REPS2: variants seen among roughly 807,000 people sequenced by gnomAD.
REPS2 encodes ralBP1-associated Eps domain-containing protein 2.
REPS2 carries 23 observed loss-of-function variants against 53.6 expected under a neutral mutation model. That is an observed-to-expected ratio of 0.43 (90% CI 0.31 to 0.61). The LOEUF is 0.61. Among genes scored for constraint, REPS2 ranks in the 20% least tolerant of loss-of-function variants. The pLI is 0.11. For missense variants in REPS2, 446 were observed against 534.9 expected (o/e 0.83, Z 1.64); for synonymous variants, 238 against 218.6 (o/e 1.09, Z -0.78).
At chrX:17,109,200 CG>C (rs1294125660) in intron 14 of REPS2, among the ~76,000 whole-genome samples, 1 of 110,576 alleles carries the variant, frequency 9.0e-6, no homozygotes, top group African/African-American at 3.3e-5. Context: ...CAGAAACTGA[CG>C]GGAGGACAGG....
At chrX:17,180,113 C>T in the REPS2 span, among the ~76,000 whole-genome samples, 1 of 111,383 alleles carries the variant, frequency 9.0e-6, no homozygotes, top group East Asian at 2.8e-4. Context: ...TTAGATACAT[C>T]AGCAATATAT....
At chrX:17,166,034 A>G in the REPS2 span, among the ~76,000 whole-genome samples, 380 of 111,845 alleles carry the variant, frequency 3.4e-3, 1 homozygote, top group Non-Finnish European at 5.4e-3. Context: ...CATGATTATT[A>G]TACATAATTT....
At chrX:17,076,997 A>G (rs1356892123) in intron 12 of REPS2, among the ~76,000 whole-genome samples, 2 of 112,071 alleles carry the variant, frequency 1.8e-5, no homozygotes, top group Non-Finnish European at 3.8e-5. Context: ...TCCAATAGAA[A>G]TGGATTTGAA....
At chrX:17,030,711 C>T (rs1401073011) in intron 5 of REPS2, among the ~76,000 whole-genome samples, 1 of 112,233 alleles carries the variant, frequency 8.9e-6, no homozygotes, top group Non-Finnish European at 1.9e-5. Context: ...GATCTAGTTA[C>T]TGCTGCTTCT....
chrX:17,183,416 T>C, the REPS2 span, among the ~76,000 whole-genome samples: 1 of 112,291 alleles, frequency 8.9e-6, no homozygotes, highest in African/African-American at 3.2e-5. Flanking sequence ...AAAAAACTCC[T>C]CAATAAAAGT....
intron 13 of REPS2, among the ~76,000 whole-genome samples, chrX:17,094,618 AT>A (rs1359626566): frequency 1.1e-4 from 12 of 111,794 alleles, no homozygotes. Flanking sequence ...TCCTCAGATT[AT>A]TTTTGACCTT....
At chrX:17,087,827 C>T (rs1252876671) in intron 13 of REPS2, among the ~76,000 whole-genome samples, 1 of 110,135 alleles carries the variant, frequency 9.1e-6, no homozygotes, top group Non-Finnish European at 1.9e-5. Flanking sequence ...CCCAGCTATT[C>T]GGGAGGCTTA....
At chrX:17,048,700 A>G (rs756868523) in intron 6 of REPS2, among the ~76,000 whole-genome samples, 67 of 111,753 alleles carry the variant, frequency 6.0e-4, no homozygotes, top group Non-Finnish European at 1.2e-3. Flanking sequence ...AGCTCCATTA[A>G]TCACCTAGTG....
the REPS2 span, among the ~76,000 whole-genome samples, chrX:17,159,728 G>A: frequency 9.0e-6 from 1 of 111,323 alleles, no homozygotes; most frequent in Non-Finnish European, 1.9e-5. Flanking sequence ...CTGTTGCCTG[G>A]TTACCTGTGA....
intron 13 of REPS2, among the ~76,000 whole-genome samples, chrX:17,102,400 G>A (rs2062821101): frequency 1.8e-5 from 2 of 111,887 alleles, no homozygotes; most frequent in African/African-American, 6.5e-5. Context: ...TGTTTTGAAA[G>A]TAACTGTTAA....
chrX:17,185,378 G>A, the REPS2 span, among the ~76,000 whole-genome samples: 2 of 111,560 alleles, frequency 1.8e-5, no homozygotes, highest in Admixed American at 1.9e-4. Context: ...CAGATTCAAG[G>A]TATACAGAAA....
chrX:17,030,002 C>T (rs1808809687), intron 5 of REPS2, among the ~76,000 whole-genome samples: 1 of 111,973 alleles, frequency 8.9e-6, no homozygotes, highest in Non-Finnish European at 1.9e-5. Context: ...TAACTGTTTT[C>T]CATTTGTTTT....
At chrX:16,958,826 A>G (rs1410438417) in intron 1 of REPS2, among the ~76,000 whole-genome samples, 1 of 111,938 alleles carries the variant, frequency 8.9e-6, no homozygotes, top group East Asian at 2.8e-4. Flanking sequence ...AGAGTGGTTC[A>G]AGGGGGCAAA....
chrX:17,021,498 C>T (rs1283684809), intron 2 of REPS2, among the ~76,000 whole-genome samples: 1 of 112,248 alleles, frequency 8.9e-6, no homozygotes, highest in East Asian at 2.8e-4. Flanking sequence ...TAAAGAATTA[C>T]ATAGGATGAG....
At chrX:16,983,087 CAAAG>C (rs932874208) in intron 1 of REPS2, among the ~76,000 whole-genome samples, 4 of 112,479 alleles carry the variant, frequency 3.6e-5, no homozygotes, top group Non-Finnish European at 5.6e-5. Context: ...GCTCCCACAA[CAAAG>C]AATTATCTGA....
chrX:16,994,577 C>T (rs751585494), intron 1 of REPS2, among the ~76,000 whole-genome samples: 35 of 111,159 alleles, frequency 3.1e-4, no homozygotes, highest in African/African-American at 6.9e-4. Context: ...GAAAACCGAA[C>T]GTTGTATTTT....
intron 13 of REPS2, among the ~76,000 whole-genome samples, chrX:17,080,597 A>G (rs2062443221): frequency 8.9e-6 from 1 of 112,072 alleles, no homozygotes; most frequent in Admixed American, 9.4e-5. Context: ...TATGTTGCCA[A>G]AGGGTGAGGT....
chrX:16,961,057 A>G (rs2060655265), intron 1 of REPS2, among the ~76,000 whole-genome samples: 1 of 112,159 alleles, frequency 8.9e-6, no homozygotes, highest in Admixed American at 9.5e-5. Flanking sequence ...TGCAATCCCT[A>G]TCAAAATACC....
chrX:17,170,752 T>C, the REPS2 span, among the ~76,000 whole-genome samples: 1 of 112,694 alleles, frequency 8.9e-6, no homozygotes, highest in Non-Finnish European at 1.9e-5. Context: ...TCACTTCTGG[T>C]CACTTGGGGA....
Sources: gnomAD v4.1 joint callset for allele counts (sites outside exome capture counted in the v4.1 genomes callset) on GRCh38, gnomAD v4.1.1 for gene constraint, MANE v1.5 for transcripts, NCBI Gene and HGNC (gene_info 2026-07-23, HGNC 2026-07-21) for gene names.